CSMD1: variants seen among roughly 807,000 people sequenced by gnomAD.
The protein encoded by CSMD1 is CUB and sushi domain-containing protein 1.
A neutral mutation model predicts 417.5 loss-of-function variants in CSMD1; 213 were observed. The ratio of observed to expected loss-of-function variants is 0.51; its 90% CI spans 0.46 to 0.57. CSMD1 has a LOEUF of 0.57. CSMD1 is among the 20% of genes least tolerant of loss of function. CSMD1 has a pLI of 0.00. For synonymous variants in CSMD1, 2,862 were observed against 1,736.8 expected, an observed-to-expected ratio of 1.65 and a Z score of -16.11; for missense variants, 6,923 against 4,529.7, an observed-to-expected ratio of 1.53 and a Z score of -15.17.
At chr8:3,751,542 G>C (rs1430220075) in intron 6 of CSMD1, among the ~76,000 whole-genome samples, 1 of 149,856 alleles carries the variant, frequency 6.7e-6, no homozygotes, top group Admixed American at 6.7e-5. Context: ...ATACAAGAAT[G>C]AAGTGTGTAT....
intron 5 of CSMD1, among the ~76,000 whole-genome samples, chr8:3,894,534 T>C (rs1182320241): frequency 6.6e-6 from 1 of 152,198 alleles, no homozygotes; most frequent in Non-Finnish European, 1.5e-5. Flanking sequence ...AATCCTATGA[T>C]AGATTCCTCA....
intron 7 of CSMD1, among the ~76,000 whole-genome samples, chr8:3,707,846 T>C (rs1438421439): frequency 6.6e-6 from 1 of 152,104 alleles, no homozygotes; most frequent in Non-Finnish European, 1.5e-5. Context: ...GGCACCAAAA[T>C]GGCAGGTGTG....
intron 23 of CSMD1, among the ~76,000 whole-genome samples, chr8:3,313,288 G>A (rs1261116377): frequency 6.6e-6 from 1 of 152,124 alleles, no homozygotes; most frequent in African/African-American, 2.4e-5. Flanking sequence ...TTAAACTAAC[G>A]AGGTTCTGCA....
intron 3 of CSMD1, among the ~76,000 whole-genome samples, chr8:4,345,366 G>C (rs1280985725): frequency 6.6e-6 from 1 of 152,026 alleles, no homozygotes; most frequent in South Asian, 2.1e-4. Context: ...TTTTTGACAT[G>C]TAATTATACA....
intron 54 of CSMD1, among the ~76,000 whole-genome samples, chr8:2,995,087 GT>G (rs1419209043): frequency 2.0e-5 from 3 of 152,210 alleles, no homozygotes; most frequent in African/African-American, 7.2e-5. Context: ...AAAGGACCCT[GT>G]GAAGAGGATG....
At chr8:4,861,431 G>A (rs1802125219) in intron 1 of CSMD1, among the ~76,000 whole-genome samples, 1 of 152,076 alleles carries the variant, frequency 6.6e-6, no homozygotes, top group African/African-American at 2.4e-5. Flanking sequence ...TGAAGAAAGC[G>A]ACCAGAGTTC....
chr8:3,312,201 C>T (rs1805403840), intron 23 of CSMD1, among the ~76,000 whole-genome samples: 1 of 152,132 alleles, frequency 6.6e-6, no homozygotes, highest in Non-Finnish European at 1.5e-5. Context: ...CTTTTTCTAT[C>T]AATCATTCAA....
chr8:4,327,594 G>A (rs10503255), intron 3 of CSMD1, among the ~76,000 whole-genome samples: 23,127 of 151,968 alleles, frequency 0.15, 1,895 homozygotes, highest in Middle Eastern at 0.22. Flanking sequence ...CTACAAAGAT[G>A]TTACCAAGTC....
chr8:4,301,099 G>C (rs1797957799), intron 3 of CSMD1, among the ~76,000 whole-genome samples: 1 of 152,160 alleles, frequency 6.6e-6, no homozygotes, highest in African/African-American at 2.4e-5. Flanking sequence ...AGTTCCCATT[G>C]AAACTCTTGC....
intron 2 of CSMD1, among the ~76,000 whole-genome samples, chr8:4,598,388 G>A (rs1265943707): frequency 1.3e-5 from 2 of 152,168 alleles, no homozygotes; most frequent in African/African-American, 4.8e-5. Flanking sequence ...GCTCTAACAG[G>A]TGGATGCAGC....
chr8:4,554,350 T>C (rs1322975113), intron 2 of CSMD1, among the ~76,000 whole-genome samples: 1 of 152,154 alleles, frequency 6.6e-6, no homozygotes, highest in African/African-American at 2.4e-5. Flanking sequence ...TTGCCCACGC[T>C]GGTCTGAAAC....
chr8:3,487,405 G>A (rs534342665), intron 11 of CSMD1, among the ~76,000 whole-genome samples: 1 of 152,206 alleles, frequency 6.6e-6, no homozygotes, highest in East Asian at 1.9e-4. Context: ...GTTTCACCAT[G>A]TTAGCCAGGA....
At chr8:3,430,626 G>A (rs1020555982) in intron 12 of CSMD1, among the ~76,000 whole-genome samples, 1 of 152,092 alleles carries the variant, frequency 6.6e-6, no homozygotes, top group Admixed American at 6.6e-5. Context: ...GTCCAAAATG[G>A]TGAAACCACA....
intron 1 of CSMD1, among the ~76,000 whole-genome samples, chr8:4,695,569 G>C (rs551040370): frequency 1.9e-4 from 29 of 152,114 alleles, no homozygotes; most frequent in Non-Finnish European, 3.7e-4. Context: ...GGAAGATACA[G>C]AGGTTTCTCA....
At chr8:3,962,451 G>T (rs1027968605) in intron 5 of CSMD1, among the ~76,000 whole-genome samples, 1 of 152,118 alleles carries the variant, frequency 6.6e-6, no homozygotes, top group Non-Finnish European at 1.5e-5. Flanking sequence ...ATGTGAGAGG[G>T]AGCATGGATC....
chr8:3,555,589 T>G (rs1799108967), intron 10 of CSMD1, among the ~76,000 whole-genome samples: 3 of 152,210 alleles, frequency 2.0e-5, no homozygotes, highest in Non-Finnish European at 4.4e-5. Flanking sequence ...TTTAGCTCAT[T>G]TTCTTTAATT....
At chr8:3,525,192 G>A (rs570131531) in intron 10 of CSMD1, among the ~76,000 whole-genome samples, 4 of 152,270 alleles carry the variant, frequency 2.6e-5, no homozygotes, top group African/African-American at 9.6e-5. Flanking sequence ...GTGAGACTCA[G>A]CCGTCAGAAA....
intron 3 of CSMD1, among the ~76,000 whole-genome samples, chr8:4,095,484 T>C (rs1563117421): frequency 6.6e-6 from 1 of 152,238 alleles, no homozygotes; most frequent in Admixed American, 6.5e-5. Flanking sequence ...TTGTTTTTCC[T>C]ATTTTCCGAA....
intron 12 of CSMD1, among the ~76,000 whole-genome samples, chr8:3,439,165 A>G (rs1438996997): frequency 2.1e-5 from 3 of 142,688 alleles, no homozygotes; most frequent in Non-Finnish European, 3.0e-5. Context: ...AAGAAAAAAA[A>G]AAGAAAAAGA....
Sources: allele counts gnomAD v4.1 joint callset (sites outside exome capture counted in the v4.1 genomes callset), GRCh38; gene constraint gnomAD v4.1.1; transcripts MANE v1.5; gene names NCBI Gene and HGNC (gene_info 2026-07-23, HGNC 2026-07-21).